ARHGAP15: variants seen among roughly 807,000 people sequenced by gnomAD.
The protein encoded by ARHGAP15 is rho GTPase-activating protein 15.
In ARHGAP15, 51 loss-of-function variants were observed where a neutral mutation model predicts 63.7. The observed-to-expected ratio is 0.80, with a 90% CI of 0.64 to 1.01. The LOEUF is 1.01. Among genes scored for constraint, ARHGAP15 ranks in the 50% least tolerant of loss-of-function variants. The pLI is 0.00. For synonymous variants in ARHGAP15, 191 were observed against 193.8 expected (o/e 0.99, Z 0.12); for missense variants, 560 against 564.6 (o/e 0.99, Z 0.08).
chr2:143,680,021 TAAAA>T (rs55927433), intron 12 of ARHGAP15, among the ~76,000 whole-genome samples: 2 of 101,626 alleles, frequency 2.0e-5, no homozygotes, highest in African/African-American at 9.0e-5. Context: ...AGTAAATGAT[TAAAA>T]AAAAAAAAAA....
intron 1 of ARHGAP15, among the ~76,000 whole-genome samples, chr2:143,139,295 T>C (rs1019811652): frequency 3.3e-5 from 5 of 152,144 alleles, no homozygotes; most frequent in African/African-American, 9.6e-5. Context: ...ATCCATATCA[T>C]GTATTCCATA....
intron 5 of ARHGAP15, among the ~76,000 whole-genome samples, chr2:143,246,388 G>A (rs1574146500): frequency 6.6e-6 from 1 of 151,954 alleles, no homozygotes; most frequent in East Asian, 2.0e-4. Context: ...GACTGTTCCA[G>A]CACAAGGGCT....
chr2:143,254,926 G>A (rs767666778), intron 6 of ARHGAP15, among the ~76,000 whole-genome samples: 32 of 151,928 alleles, frequency 2.1e-4, no homozygotes, highest in Non-Finnish European at 4.3e-4. Context: ...AATTTCCAGG[G>A]TGTAAAATAG....
intron 13 of ARHGAP15, among the ~76,000 whole-genome samples, chr2:143,718,077 C>T (rs1163324396): frequency 6.6e-6 from 1 of 151,898 alleles, no homozygotes; most frequent in Non-Finnish European, 1.5e-5. Flanking sequence ...AGGGTATCTG[C>T]AAATTTTCAT....
intron 6 of ARHGAP15, among the ~76,000 whole-genome samples, chr2:143,334,036 T>A (rs920254105): frequency 6.6e-6 from 1 of 152,214 alleles, no homozygotes; most frequent in Non-Finnish European, 1.5e-5. Flanking sequence ...TGTGACAATT[T>A]GTTTTAAGGT....
chr2:143,398,307 C>T (rs2104989102), intron 6 of ARHGAP15, among the ~76,000 whole-genome samples: 1 of 152,220 alleles, frequency 6.6e-6, no homozygotes. Flanking sequence ...TCTACCATTG[C>T]TTAAACTCAG....
chr2:143,272,568 G>A (rs1219200407), intron 6 of ARHGAP15, among the ~76,000 whole-genome samples: 2 of 152,152 alleles, frequency 1.3e-5, no homozygotes, highest in African/African-American at 2.4e-5. Context: ...CAGGAGAATT[G>A]CTTGATCCCA....
intron 6 of ARHGAP15, among the ~76,000 whole-genome samples, chr2:143,266,044 A>G (rs1163813584): frequency 6.6e-6 from 1 of 151,426 alleles, no homozygotes; most frequent in Non-Finnish European, 1.5e-5. Flanking sequence ...ATTTTTTTTC[A>G]GAGTTATTTT....
At chr2:143,438,353 C>T (rs1446633422) in intron 8 of ARHGAP15, among the ~76,000 whole-genome samples, 3 of 151,748 alleles carry the variant, frequency 2.0e-5, no homozygotes, top group Non-Finnish European at 2.9e-5. Context: ...TATGTATATA[C>T]ACATACATGC....
At chr2:143,650,046 G>T (rs1350389941) in intron 12 of ARHGAP15, among the ~76,000 whole-genome samples, 1 of 151,326 alleles carries the variant, frequency 6.6e-6, no homozygotes, top group Non-Finnish European at 1.5e-5. Flanking sequence ...GTTGTTGGAG[G>T]TTTTTTTTCT....
At chr2:143,435,358 A>G in intron 6 of ARHGAP15, 2 of 1,102,928 alleles carry the variant, frequency 1.8e-6, no homozygotes, top group Non-Finnish European at 2.2e-6. Flanking sequence ...ATTCAGCTCT[A>G]GCCCTACTCT....
rs191778875 is a variant in ARHGAP15, at chr2:143,625,576, A to T, written c.1138+1309A>T. ...TCCCTTGTCGTGACTTCATCTCATG[A>T]CCCCTCTACTTCTTCAGAACAGCAA... On this transcript the variant is annotated intron_variant, in intron 12 of 13. Transcript: ENST00000295095. 1.0e-3 allele frequency among the ~76,000 whole-genome samples: 154 copies of T among 151,924 alleles called. No individual in the cohort carries two copies. In the Middle Eastern group the frequency reaches 0.017, roughly 17 times the overall value.
intron 5 of ARHGAP15, among the ~76,000 whole-genome samples, chr2:143,241,806 G>A (rs1693873039): frequency 1.3e-5 from 2 of 152,140 alleles, no homozygotes; most frequent in South Asian, 2.1e-4. Context: ...TTATCTGGGA[G>A]GTACAAATCC....
chr2:143,346,236 T>TCTCACACACACACTCTCTCTCACA (rs1460248036), intron 6 of ARHGAP15, among the ~76,000 whole-genome samples: 3 of 82,546 alleles, frequency 3.6e-5, no homozygotes, highest in African/African-American at 1.5e-4. Context: ...ACACTCTCTC[T>TCTCACACACACACTCTCTCTCACA]CACACACACA....
intron 10 of ARHGAP15, among the ~76,000 whole-genome samples, chr2:143,533,597 C>T (rs1056504963): frequency 6.6e-6 from 1 of 152,126 alleles, no homozygotes; most frequent in South Asian, 2.1e-4. Flanking sequence ...TATGTTCAAG[C>T]ACCAGGAAAG....
At chr2:143,472,717 G>A (rs1028123320) in intron 8 of ARHGAP15, among the ~76,000 whole-genome samples, 5 of 152,150 alleles carry the variant, frequency 3.3e-5, no homozygotes, top group Non-Finnish European at 4.4e-5. Context: ...ATGAAGAGGA[G>A]GAGGAAGGGA....
intron 13 of ARHGAP15, among the ~76,000 whole-genome samples, chr2:143,761,643 T>C (rs1346676617): frequency 6.6e-6 from 1 of 152,206 alleles, no homozygotes; most frequent in Non-Finnish European, 1.5e-5. Context: ...TGGCTGTGAT[T>C]TTATGTGACT....
intron 6 of ARHGAP15, among the ~76,000 whole-genome samples, chr2:143,415,583 T>G (rs1293284290): frequency 1.3e-5 from 2 of 152,168 alleles, no homozygotes; most frequent in African/African-American, 2.4e-5. Context: ...ATCATGTTGA[T>G]AAATATTAAA....
chr2:143,138,459 G>T (rs1689233156), intron 1 of ARHGAP15, among the ~76,000 whole-genome samples: 1 of 152,036 alleles, frequency 6.6e-6, no homozygotes, highest in Non-Finnish European at 1.5e-5. Context: ...AGTCTAAAAG[G>T]CTCTAAAAGA....
Sources: allele counts gnomAD v4.1 joint callset (sites outside exome capture counted in the v4.1 genomes callset), GRCh38; gene constraint gnomAD v4.1.1; transcripts MANE v1.5; gene names NCBI Gene and HGNC (gene_info 2026-07-23, HGNC 2026-07-21).